CCNC: variants seen among roughly 807,000 people sequenced by gnomAD.
CCNC encodes the protein cyclin-C.
In CCNC, 19 loss-of-function variants were observed where a neutral mutation model predicts 50.0. That is an observed-to-expected ratio of 0.38 (90% CI 0.27 to 0.56). CCNC has a LOEUF of 0.56. Among genes scored for constraint, CCNC ranks in the 20% least tolerant of loss-of-function variants. The pLI is 0.72. For missense variants in CCNC, 200 were observed against 327.1 expected (o/e 0.61, Z 3.00); for synonymous variants, 93 against 103.7 (o/e 0.90, Z 0.63).
intron 11 of CCNC, 95 bp from the exon 12 acceptor site, chr6:99,543,704 G>A: frequency 3.2e-6 from 5 of 1,552,826 alleles, no homozygotes; most frequent in Non-Finnish European, 2.6e-6. Context: ...ATTATTCTGT[G>A]GCACAACTAT....
At chr6:99,567,474 A>G (rs1244462378) in intron 1 of CCNC, among the ~76,000 whole-genome samples, 2 of 152,132 alleles carry the variant, frequency 1.3e-5, no homozygotes, top group South Asian at 2.1e-4. Context: ...TTAACATGTC[A>G]TCTCCACAGA....
intron 9 of CCNC, chr6:99,549,246 A>G: frequency 1.9e-6 from 1 of 520,730 alleles, no homozygotes; most frequent in Non-Finnish European, 3.4e-6. Flanking sequence ...ACAAACAAAT[A>G]TGTTCTATTC....
chr6:99,551,182 AAAAT>A (rs1802284355), intron 6 of CCNC, among the ~76,000 whole-genome samples, 154 bp from the exon 7 acceptor site: 1 of 152,114 alleles, frequency 6.6e-6, no homozygotes, highest in South Asian at 2.1e-4. Flanking sequence ...AGTTTATATT[AAAAT>A]AAATATCTGC....
At chr6:99,566,796 C>A (rs962749968) in intron 1 of CCNC, 3 of 262,618 alleles carry the variant, frequency 1.1e-5, no homozygotes, top group African/African-American at 4.6e-5. Context: ...ATGAAAGCAA[C>A]TGCCATGCTG....
chr6:99,561,832 C>G (rs1802794053), intron 2 of CCNC, 151 bp from the exon 3 acceptor site: 1 of 510,614 alleles, frequency 2.0e-6, no homozygotes, highest in Admixed American at 3.6e-5. Context: ...TCACAGTGGT[C>G]TAATTCTAGG....
At chr6:99,556,347 C>T (rs1482710161) in intron 5 of CCNC, among the ~76,000 whole-genome samples, 1 of 152,102 alleles carries the variant, frequency 6.6e-6, no homozygotes, top group Non-Finnish European at 1.5e-5. Context: ...CAATATTTGT[C>T]TTTGTTACTG....
Position 99,561,616 on chromosome 6 carries a change from A to T in CCNC, c.205T>A (p.Phe69Ile). 2 of 1,608,548 alleles carry T rather than the reference A, an allele frequency of 1.2e-6. No homozygotes were observed. The highest frequency in any genetic ancestry group is 1.7e-6 in the Non-Finnish European group (2 of 1,175,960). Residue 69 changes from phenylalanine (F) to isoleucine (I), a missense_variant, in exon 3 of 12, where the codon TTC becomes ATC. Phe to Ile is a conservative substitution (Grantham distance 21). Coordinates refer to ENST00000520429, the MANE Select transcript of CCNC (RefSeq NM_005190.4). The part of the protein sequence containing the change: ...QQVIATATVY[F>I]KRFYARYSLK... ...TCCTACCTGGCATAGAATCTCTTGAAATATACCGTAGCAGTGGCAATAACT... is the reference window on the plus strand; with the variant it reads ...TCCTACCTGGCATAGAATCTCTTGATATATACCGTAGCAGTGGCAATAACT...
intron 1 of CCNC, among the ~76,000 whole-genome samples, chr6:99,565,841 A>G (rs1225185490): frequency 6.6e-6 from 1 of 152,010 alleles, no homozygotes; most frequent in Non-Finnish European, 1.5e-5. Flanking sequence ...TGCATTTGGT[A>G]ATAATTCATT....
At chr6:99,553,507 T>A (rs1802387624) in intron 5 of CCNC, among the ~76,000 whole-genome samples, 1 of 152,158 alleles carries the variant, frequency 6.6e-6, no homozygotes, top group African/African-American at 2.4e-5. Context: ...GAAAAATACA[T>A]CCCTCCTCTC....
At chr6:99,556,664 G>A (rs1802522705) in intron 5 of CCNC, among the ~76,000 whole-genome samples, 1 of 151,588 alleles carries the variant, frequency 6.6e-6, no homozygotes, top group Admixed American at 6.6e-5. Flanking sequence ...CTGGCCAGGT[G>A]CAGTGGCTCA....
chr6:99,556,791 C>T (rs1161613785), intron 5 of CCNC, among the ~76,000 whole-genome samples: 1 of 152,174 alleles, frequency 6.6e-6, no homozygotes, highest in Non-Finnish European at 1.5e-5. Context: ...CGTGGTGGCA[C>T]ACACCTGTAA....
At chr6:99,567,244 GCTT>G (rs67691199) in intron 1 of CCNC, among the ~76,000 whole-genome samples, 13,882 of 151,752 alleles carry the variant, frequency 0.091, 680 homozygotes, top group East Asian at 0.14. Flanking sequence ...AATTCTCTCA[GCTT>G]CTTTCAGAGT....
intron 5 of CCNC, among the ~76,000 whole-genome samples, chr6:99,555,686 C>A (rs1306866895): frequency 2.0e-5 from 3 of 152,108 alleles, no homozygotes; most frequent in Non-Finnish European, 4.4e-5. Flanking sequence ...AAGCAATCCT[C>A]CTGCTCCAGC....
chr6:99,566,319 A>G (rs1314473275), intron 1 of CCNC, among the ~76,000 whole-genome samples: 1 of 151,964 alleles, frequency 6.6e-6, no homozygotes, highest in Admixed American at 6.6e-5. Flanking sequence ...ATATTATTAA[A>G]TAGAATATTT....
intron 1 of CCNC, among the ~76,000 whole-genome samples, chr6:99,564,893 AATTTAT>A (rs1223573218): frequency 6.6e-6 from 1 of 152,104 alleles, no homozygotes; most frequent in Non-Finnish European, 1.5e-5. Flanking sequence ...TTTTTCCTTC[AATTTAT>A]GATCCATCTG....
chr6:99,545,518 A>C lies in CCNC; in HGVS notation c.679-288T>G, dbSNP rs542595814. ...AAACATACTAAGAATAAAGGTTCTA[A>C]TCATGAGGGAATATACCACTATAGA... On this transcript the variant is annotated intron_variant, in intron 10 of 11. Coordinates refer to ENST00000520429, the MANE Select transcript of CCNC (RefSeq NM_005190.4). 4.1e-4 allele frequency among the ~76,000 whole-genome samples: 62 copies of C among 152,320 alleles called. 1 individual carries two copies. The South Asian group carries it at 0.013, about 32-fold the overall frequency.
rs545441752 is a variant in CCNC at position 99,547,278 on chromosome 6, T to C, written c.599-804A>G. ...GGTTGCCCTAAGTCAAGCAAAGCTA[T>C]GAGTAGGGCTTAGGTCAAGAAGAGG... On this transcript the variant is annotated intron_variant, in intron 9 of 11. Coordinates refer to ENST00000520429, the MANE Select transcript of CCNC (RefSeq NM_005190.4). Among the ~76,000 whole-genome samples, 3 of 152,196 alleles carry C rather than the reference T, an allele frequency of 2.0e-5. No individual in the cohort carries two copies. The South Asian group carries it at 6.2e-4, about 32-fold the overall frequency.
intron 4 of CCNC, among the ~76,000 whole-genome samples, chr6:99,559,713 A>G (rs1802693555): frequency 6.8e-6 from 1 of 146,700 alleles, no homozygotes. Context: ...CTTTCTCAGG[A>G]ATAATTCTTT....
chr6:99,543,734 C>T, intron 11 of CCNC, 125 bp from the exon 12 acceptor site: 1 of 1,457,920 alleles, frequency 6.9e-7, no homozygotes, highest in Non-Finnish European at 9.1e-7. Context: ...AGACATTCCT[C>T]ATTATAAGAC....
Sources: allele counts gnomAD v4.1 joint callset (sites outside exome capture counted in the v4.1 genomes callset), GRCh38; gene constraint gnomAD v4.1.1; transcripts MANE v1.5; gene names NCBI Gene and HGNC (gene_info 2026-07-23, HGNC 2026-07-21).